The following SH2D3A variants were observed in gnomAD, a reference collection of about 807,000 sequenced individuals.
The protein encoded by SH2D3A is SH2 domain-containing protein 3A.
In SH2D3A, 46 loss-of-function variants were observed where a neutral mutation model predicts 50.6. The observed-to-expected ratio is 0.91, with a 90% CI of 0.72 to 1.16. SH2D3A has a LOEUF of 1.16. Among genes scored for constraint, SH2D3A ranks in the 50% most tolerant of loss-of-function variants. The probability of loss-of-function intolerance (pLI) is 0.00; values close to 1 mark genes in which losing one functional copy is unlikely to be tolerated. For missense variants in SH2D3A, 783 were observed against 786.2 expected (o/e 1.00, Z 0.05); for synonymous variants, 377 against 348.4 (o/e 1.08, Z -0.91).
rs571112823 is a variant in SH2D3A at position 6,760,747 on chromosome 19, G to C, written c.310C>G (p.Gln104Glu). 2 of 1,614,024 alleles carry C rather than the reference G, an allele frequency of 1.2e-6. No individual in the cohort carries two copies. The highest frequency in any genetic ancestry group is 1.7e-6 in the Non-Finnish European group (2 of 1,179,846). Residue 104 changes from glutamine (Q) to glutamate (E), a missense_variant, in exon 3 of 10, where the codon CAG becomes GAG. Gln to Glu is a conservative substitution (Grantham distance 29). Transcript: ENST00000245908. ...SYMTGRRPLS[Q>E]ATGAVVSRPV... ...CTGGAGACCACAGCCCCTGTGGCCT[G>C]GGACAGTGGGCGCCTGCCTGTCATA...
chr19:6,754,269 G>A lies in SH2D3A; in HGVS notation c.1254C>T (p.Gly418=), dbSNP rs199976876. 648 of 1,594,130 alleles carry A rather than the reference G, an allele frequency of 4.1e-4. 1 individual carries two copies. The African/African-American group carries it at 7.8e-3, about 19-fold the overall frequency. The change falls in exon 7 of 10, where the codon GGC becomes GGT. Residue 418 remains glycine (G), a synonymous_variant. Coordinates refer to ENST00000245908, the MANE Select transcript of SH2D3A (RefSeq NM_005490.3). ...GDLPGLAAVM[G]ALLMPQVSRL... The stretch of plus-strand genomic sequence containing the variant: ...CACGAACCTGGGGCATGAGCAGGGC[G>A]CCCATGACTGCAGCCAGCCCGGGCA...
intron 4 of SH2D3A, among the ~76,000 whole-genome samples, chr19:6,756,794 C>G (rs1049895242): frequency 6.6e-6 from 1 of 152,150 alleles, no homozygotes; most frequent in Admixed American, 6.6e-5. Flanking sequence ...GTCTCTCTCT[C>G]TGACTCTCCC....
Position 6,754,678 on chromosome 19 carries a change from T to C in SH2D3A, c.1035A>G (p.Ser345=), listed in dbSNP as rs775927735. The change falls in exon 6 of 10, where the codon TCA becomes TCG. Residue 345 remains serine (S), a synonymous_variant. Coordinates refer to ENST00000245908, the MANE Select transcript of SH2D3A (RefSeq NM_005490.3). ...GAAGAGTGAGCAGCTCCAGGCCAGA[T>C]GAGACTCCCATGTTGCCCCGCTGAT... is the stretch of plus-strand genomic sequence containing the variant. ...TRDQRGNMGV[S]SGLELLTLPH... is the part of the protein sequence containing the mutation. 7 of 1,614,164 alleles carry C rather than the reference T, an allele frequency of 4.3e-6. No homozygotes were observed. The highest frequency in any genetic ancestry group is 1.1e-5 in the South Asian group (1 of 91,086).
intron 2 of SH2D3A, among the ~76,000 whole-genome samples, chr19:6,761,980 A>G (rs2144632563): frequency 6.6e-6 from 1 of 151,316 alleles, no homozygotes; most frequent in South Asian, 2.1e-4. Flanking sequence ...AAAAAAACAA[A>G]AAAAAGGCTT....
At chr19:6,753,359 A>G (rs1316835360) in intron 9 of SH2D3A, 97 bp downstream of exon 9, 5 of 1,399,216 alleles carry the variant, frequency 3.6e-6, no homozygotes, top group Non-Finnish European at 4.6e-6. Flanking sequence ...AGGCGTGGCG[A>G]GAGGCTCCCC....
Position 6,759,714 on chromosome 19 carries a change from A to T in SH2D3A, c.420-44T>A, listed in dbSNP as rs376157764. On this transcript the variant is annotated intron_variant, in intron 3 of 9. Coordinates refer to ENST00000245908, the MANE Select transcript of SH2D3A (RefSeq NM_005490.3). ...AGAAACCTGTAGTCCCCACCTAAGC[A>T]GTGTCCCCCACCAATATCTGCAAAA... is the stretch of plus-strand genomic sequence containing the variant. The T allele has an allele frequency of 5.7e-6, 9 of 1,582,912 alleles. No homozygotes were observed. The Admixed American group carries it at 6.7e-5, about 12-fold the overall frequency.
rs1203616918 is a variant in SH2D3A at position 6,754,072 on chromosome 19, C to G, written c.1364G>C (p.Arg455Pro). 5 of 1,609,634 alleles carry G rather than the reference C, an allele frequency of 3.1e-6. No individual in the cohort carries two copies. The highest frequency in any genetic ancestry group is 4.2e-6 in the Non-Finnish European group (5 of 1,177,510). ...CTTACCAGCGCCCTCATCCAGAGCC[C>G]GCATCAGCGGCTTCAGCTCCTGCTC... ...AFEQELKPLM[R>P]ALDEGAGPCD... The change falls in exon 8 of 10, where the codon CGG becomes CCG. Residue 455 changes from arginine (R) to proline (P), a missense_variant. Physicochemically the swap from Arg to Pro is moderately radical, Grantham distance 103 (BLOSUM62 -2). Coordinates refer to ENST00000245908, the MANE Select transcript of SH2D3A (RefSeq NM_005490.3).
At chr19:6,760,040 A>G (rs1599589350) in intron 3 of SH2D3A, among the ~76,000 whole-genome samples, 1 of 151,880 alleles carries the variant, frequency 6.6e-6, no homozygotes, top group Non-Finnish European at 1.5e-5. Context: ...AAAGTTCAAG[A>G]CCAGCCAGGC....
rs1234953321 is a variant in SH2D3A, at chr19:6,754,389, C to T, written c.1134G>A (p.Val378=). Residue 378 remains valine, a synonymous_variant, in exon 7 of 10, where the codon GTG becomes GTA. Transcript: ENST00000245908. ...QTLALAGALA[V]LGCSGPLEER... is the part of the protein sequence containing the mutation. ...CCTCCAGCGGCCCCGAGCAGCCCAG[C>T]ACCGCCAGCGCCCCGGCCAGCGCCA... The T allele has an allele frequency of 3.3e-6, 5 of 1,535,466 alleles. 1 individual carries two copies. In the Admixed American group the frequency reaches 8.0e-5, roughly 25 times the overall value.
intron 2 of SH2D3A, among the ~76,000 whole-genome samples, chr19:6,763,095 G>A (rs947196054): frequency 6.6e-6 from 1 of 151,844 alleles, no homozygotes; most frequent in Non-Finnish European, 1.5e-5. Context: ...ACAGAGTCTC[G>A]CTCTGTTACC....
intron 8 of SH2D3A, among the ~76,000 whole-genome samples, 157 bp from the exon 9 acceptor site, chr19:6,753,798 G>A (rs1177622437): frequency 6.6e-6 from 1 of 152,174 alleles, no homozygotes; most frequent in African/African-American, 2.4e-5. Flanking sequence ...GGAGGGCGGG[G>A]CCTATGGCGA....
At chr19:6,755,456 G>T in intron 4 of SH2D3A, 141 bp from the exon 5 acceptor site, 1 of 540,292 alleles carries the variant, frequency 1.9e-6, no homozygotes, top group Non-Finnish European at 3.1e-6. Flanking sequence ...TCCGGGTGCA[G>T]TTTTGAATTT....
At position 6,753,576 on chromosome 19, in the gene SH2D3A, C is replaced by T. The variant is rs765190974; in HGVS notation, c.1450G>A (p.Glu484Lys). 7.6e-6 allele frequency: 12 copies of T among 1,583,786 alleles called. 1 individual carries two copies. The Middle Eastern group carries it at 6.6e-4, about 88-fold the overall frequency. Reference sequence around the variant, plus strand: ...TCGTCCAGCGGCCCCGCGACTTCCTCGCCCTCCAGTAGGCGAACCATGGGT... The same window carrying T: ...TCGTCCAGCGGCCCCGCGACTTCCTTGCCCTCCAGTAGGCGAACCATGGGT... ...VAPMVRLLEG[E>K]EVAGPLDESC... The change falls in exon 9 of 10, where the codon GAG (glutamate) becomes AAG (lysine). Residue 484 changes from glutamate to lysine, a missense_variant. Physicochemically the swap from Glu to Lys is moderately conservative, Grantham distance 56. Coordinates refer to ENST00000245908, the MANE Select transcript of SH2D3A (RefSeq NM_005490.3).
In SH2D3A at chr19:6,752,346, A is replaced by G; in HGVS notation, c.*247T>C. On this transcript the variant is annotated 3_prime_UTR_variant, in exon 10 of 10. Transcript: ENST00000245908. The stretch of plus-strand genomic sequence containing the variant: ...TTGTTAAAGGCCGACACAGAGGTGA[A>G]GTCAACTGCTAGAAATCACGGCTTT... 2.6e-6 allele frequency: 1 copy of G among 385,466 alleles called. No individual in the cohort carries two copies. Among genetic ancestry groups the G allele is most frequent in the Non-Finnish European group, 4.6e-6 (1 of 217,444 alleles). 23.9% of individuals were successfully genotyped at this position (385,466 alleles called of 1,614,324 possible).
chr19:6,752,897 C>T, intron 9 of SH2D3A, 144 bp from the exon 10 acceptor site: 1 of 1,381,650 alleles, frequency 7.2e-7, no homozygotes, highest in South Asian at 1.7e-5. Context: ...GATGACTAGG[C>T]GGGGTCAGAG....
At chr19:6,758,250 G>A (rs984252329) in intron 4 of SH2D3A, 28 of 152,034 alleles carry the variant, frequency 1.8e-4, no homozygotes, top group Non-Finnish European at 3.8e-4. Flanking sequence ...AAAGTGCTAG[G>A]ATTACAGACC....
chr19:6,762,308 C>T (rs934881508), intron 2 of SH2D3A, among the ~76,000 whole-genome samples: 5 of 151,896 alleles, frequency 3.3e-5, no homozygotes, highest in African/African-American at 9.7e-5. Flanking sequence ...CTCAGCCTCC[C>T]GAGTAGCTGG....
chr19:6,754,166 G>A lies in SH2D3A; in HGVS notation c.1273-3C>T. On this transcript the variant is annotated splice_region_variant and splice_polypyrimidine_tract_variant and intron_variant, in intron 7 of 9. Transcript: ENST00000245908. The stretch of plus-strand genomic sequence containing the variant: ...CACGTGTGCTCCAACCGGGACACCT[G>A]GGAGAAGAGATCTGAGCACGCCTCC... 6.2e-7 allele frequency: 1 copy of A among 1,612,440 alleles called. No homozygotes were observed. Among genetic ancestry groups the A allele is most frequent in the Non-Finnish European group, 8.5e-7 (1 of 1,179,430 alleles).
Position 6,754,286 on chromosome 19 carries a change from G to A in SH2D3A, c.1237C>T (p.Leu413=). 1 of 1,586,456 alleles carries A rather than the reference G, an allele frequency of 6.3e-7. No homozygotes were observed. The highest frequency in any genetic ancestry group is 8.5e-7 in the Non-Finnish European group (1 of 1,173,002). The change falls in exon 7 of 10, where the codon CTG becomes TTG. Residue 413 remains leucine, a synonymous_variant. Transcript: ENST00000245908. The part of the protein sequence containing the change: ...RPGAAGDLPG[L]AAVMGALLMP... ...AGCAGGGCGCCCATGACTGCAGCCA[G>A]CCCGGGCAGGTCCCCCGCCGCCCCT...
Sources: allele counts gnomAD v4.1 joint callset (sites outside exome capture counted in the v4.1 genomes callset), GRCh38; gene constraint gnomAD v4.1.1; transcripts MANE v1.5; gene names NCBI Gene and HGNC (gene_info 2026-07-23, HGNC 2026-07-21).